The following BRWD1 variants were observed in gnomAD, a reference collection of about 807,000 sequenced individuals.
The protein encoded by BRWD1 is bromodomain and WD repeat-containing protein 1.
A neutral mutation model predicts 251.2 loss-of-function variants in BRWD1; 82 were observed. That is an observed-to-expected ratio of 0.33 (90% CI 0.27 to 0.39). The LOEUF (loss-of-function observed/expected upper bound fraction) is 0.39, where lower values mean the gene tolerates loss of function less well. BRWD1 is among the 10% of genes least tolerant of loss of function. The probability of loss-of-function intolerance (pLI) is 1.00; values close to 1 mark genes in which losing one functional copy is unlikely to be tolerated. For missense variants in BRWD1, 2,233 were observed against 2,711.6 expected, an observed-to-expected ratio of 0.82 and a Z score of 3.92; for synonymous variants, 918 against 902.8, an observed-to-expected ratio of 1.02 and a Z score of -0.30.
At chr21:39,316,236 A>G (rs796414638), upstream of BRWD1, among the ~76,000 whole-genome samples, 1 of 152,336 alleles carries the variant, frequency 6.6e-6, no homozygotes, top group African/African-American at 2.4e-5. Context: ...TAGGACAGTA[A>G]ATCTGCAAGA....
At chr21:39,297,898 G>A (rs1383429323) in intron 5 of BRWD1, 2 of 984,116 alleles carry the variant, frequency 2.0e-6, no homozygotes, top group African/African-American at 3.5e-5. Flanking sequence ...AACAGAAAAA[G>A]AATAGCAATT....
chr21:39,212,607 A>G, intron 34 of BRWD1, 59 bp downstream of exon 34: 1 of 1,334,432 alleles, frequency 7.5e-7, no homozygotes, highest in Non-Finnish European at 1.1e-6. Flanking sequence ...TAAAATCCTG[A>G]ATTGATTTTA....
At chr21:39,313,723 G>C (rs983285525), upstream of BRWD1, 6 of 389,298 alleles carry the variant, frequency 1.5e-5, no homozygotes, top group Non-Finnish European at 1.4e-5. Flanking sequence ...CGCCAAGAGA[G>C]GACCGGAGCT....
At chr21:39,309,138 C>T (rs1385893903) in intron 4 of BRWD1, among the ~76,000 whole-genome samples, 4 of 151,996 alleles carry the variant, frequency 2.6e-5, no homozygotes, top group Non-Finnish European at 5.9e-5. Flanking sequence ...CACACCACTG[C>T]ACTCCAGCCT....
chr21:39,229,509 A>G, intron 25 of BRWD1, 73 bp from the exon 26 acceptor site: 1 of 1,379,842 alleles, frequency 7.2e-7, no homozygotes, highest in Non-Finnish European at 1.0e-6. Context: ...ACATACTGTT[A>G]TATTAAGTAA....
chr21:39,264,376 T>G, intron 17 of BRWD1, 84 bp downstream of exon 17: 1 of 833,200 alleles, frequency 1.2e-6, no homozygotes, highest in Admixed American at 3.5e-5. Context: ...ATTGGGGATC[T>G]AAAGGTAAGG....
In BRWD1 at chr21:39,197,176, G is replaced by A. The variant is rs61742658; in HGVS notation, c.5893C>T (p.Leu1965Phe). The A allele has an allele frequency of 3.0e-3, 4,803 of 1,614,114 alleles. 18 individuals are homozygous for A. Among genetic ancestry groups the A allele is most frequent in the Non-Finnish European group, 3.5e-3 (4,112 of 1,179,970 alleles). ...TRSKNGRKKP[L>F]HLACTTAKKK... Reference sequence around the variant, plus strand: ...TTAGCTGTAGTACAAGCAAGATGGAGAGGTTTTTTCCTTCCATTTTTGCTT... The same window carrying A: ...TTAGCTGTAGTACAAGCAAGATGGAAAGGTTTTTTCCTTCCATTTTTGCTT... Residue 1965 changes from leucine to phenylalanine, a missense_variant, in exon 41 of 41, where the codon CTC becomes TTC. Transcript: ENST00000342449.
chr21:39,194,959 C>A lies in BRWD1; in HGVS notation c.*1300G>T. 1.4e-6 allele frequency: 2 copies of A among 1,453,030 alleles called. No individual in the cohort carries two copies. The highest frequency in any genetic ancestry group is 2.9e-5 in the South Asian group (2 of 69,242). The allele number at this position is 1,453,030 out of a possible 1,614,324, so 90.0% of individuals were successfully genotyped here. On this transcript the variant is annotated 3_prime_UTR_variant, in exon 41 of 41. Transcript: ENST00000342449. ...CACTAAATATGTAAACCATTTGAAT[C>A]AAGTCCATCTTCAGGCACAAACAAG...
At chr21:39,317,777 G>A (rs185737310), upstream of BRWD1, among the ~76,000 whole-genome samples, 11 of 152,328 alleles carry the variant, frequency 7.2e-5, no homozygotes, top group South Asian at 2.1e-4. Flanking sequence ...TAGTCTGGGC[G>A]TAGTGGCTCT....
chr21:39,299,476 T>C (rs550729530), intron 4 of BRWD1, among the ~76,000 whole-genome samples: 3 of 152,288 alleles, frequency 2.0e-5, no homozygotes, highest in African/African-American at 4.8e-5. Context: ...TGGATTACTA[T>C]AGACAAATAT....
rs748993353 is a variant in BRWD1, at chr21:39,195,792, C to T, written c.*467G>A. On this transcript the variant is annotated 3_prime_UTR_variant, in exon 41 of 41. Coordinates refer to ENST00000342449, the MANE Select transcript of BRWD1 (RefSeq NM_033656.4). ...TCGCCTACTAATCATGGTTACACCTCCCATGATTATAGTGTCAGTATGCAT... is the reference window on the plus strand; with the variant it reads ...TCGCCTACTAATCATGGTTACACCTTCCATGATTATAGTGTCAGTATGCAT... 1.0e-3 allele frequency: 1,033 copies of T among 985,634 alleles called. 2 individuals carry two copies. The highest frequency in any genetic ancestry group is 1.1e-3 in the Non-Finnish European group (954 of 830,148). The allele number at this position is 985,634 out of a possible 1,614,324, so 61.1% of individuals were successfully genotyped here. A position where few individuals can be genotyped will look rare whatever the true frequency, so the allele number is the denominator to read the frequency against.
intron 37 of BRWD1, among the ~76,000 whole-genome samples, chr21:39,203,077 C>A (rs2032190607): frequency 6.6e-6 from 1 of 152,112 alleles, no homozygotes; most frequent in African/African-American, 2.4e-5. Flanking sequence ...GGCCACTAGG[C>A]CAGGAATTAT....
In BRWD1 at chr21:39,248,675, A is replaced by C. The variant is rs928604694; in HGVS notation, c.2350-843T>G. Among the ~76,000 whole-genome samples the C allele has an allele frequency of 6.0e-5, 7 of 117,012 alleles. No homozygotes were observed. In the South Asian group the frequency reaches 1.1e-3, roughly 18 times the overall value. 76.8% of individuals were successfully genotyped at this position (117,012 alleles called of 152,430 possible). A position where few individuals can be genotyped will look rare whatever the true frequency, so the allele number is the denominator to read the frequency against. The stretch of plus-strand genomic sequence containing the variant: ...AAAAAAAAAAAAAAAAAAAAAAAAA[A>C]AAAAAACACTGGGGGGTGGAGGGCA... On this transcript the variant is annotated intron_variant, in intron 20 of 40. Coordinates refer to ENST00000342449, the MANE Select transcript of BRWD1 (RefSeq NM_033656.4).
chr21:39,266,988 G>A (rs2034942731), intron 15 of BRWD1, among the ~76,000 whole-genome samples: 1 of 152,148 alleles, frequency 6.6e-6, no homozygotes. Flanking sequence ...GTTTTGAGGA[G>A]TTAAATTCAG....
intron 4 of BRWD1, among the ~76,000 whole-genome samples, chr21:39,304,382 G>A (rs1307259743): frequency 6.6e-6 from 1 of 152,064 alleles, no homozygotes; most frequent in Admixed American, 6.6e-5. Context: ...AAGCCAAGGC[G>A]GGAGGACTGC....
At chr21:39,273,188 A>G (rs1404021376) in intron 13 of BRWD1, among the ~76,000 whole-genome samples, 1 of 152,166 alleles carries the variant, frequency 6.6e-6, no homozygotes, top group African/African-American at 2.4e-5. Flanking sequence ...GACAGTTTCT[A>G]TTTTCCTTAA....
intron 21 of BRWD1, among the ~76,000 whole-genome samples, chr21:39,242,910 G>A (rs2034051192): frequency 6.6e-6 from 1 of 152,168 alleles, no homozygotes; most frequent in Non-Finnish European, 1.5e-5. Context: ...AGAAAAAGAA[G>A]ACTCCTTTCC....
chr21:39,224,264 T>C (rs2033294094), intron 29 of BRWD1, 144 bp downstream of exon 29: 3 of 492,432 alleles, frequency 6.1e-6, no homozygotes, highest in Non-Finnish European at 7.1e-6. Flanking sequence ...AACACGATGC[T>C]GTTGTCTTCT....
Position 39,197,015 on chromosome 21 carries a change from T to C in BRWD1, c.6054A>G (p.Ser2018=). 1.2e-6 allele frequency: 2 copies of C among 1,614,134 alleles called. No homozygotes were observed. Among genetic ancestry groups the C allele is most frequent in the Non-Finnish European group, 1.7e-6 (2 of 1,179,968 alleles). Residue 2018 remains serine, a synonymous_variant, in exon 41 of 41, where the codon TCA becomes TCG. Transcript: ENST00000342449. ...CTGAATTCAACATATCTTCAGAGTC[T>C]GAGTCTCCATTTAGAGCCTGACTAA... ...KVLSQALNGD[S]DSEDMLNSEH...
Sources: allele counts gnomAD v4.1 joint callset (sites outside exome capture counted in the v4.1 genomes callset), GRCh38; gene constraint gnomAD v4.1.1; transcripts MANE v1.5; gene names NCBI Gene and HGNC (gene_info 2026-07-23, HGNC 2026-07-21).